Variants in GMPPA observed in about 807,000 individuals in gnomAD.
GMPPA encodes GDP-mannose pyrophosphorylase A.
GMPPA carries 46 observed loss-of-function variants against 58.6 expected under a neutral mutation model. The observed-to-expected ratio is 0.78, with a 90% CI of 0.62 to 1.00. GMPPA has a LOEUF of 1.00. Ranked by LOEUF, GMPPA falls within the 50% of genes least tolerant of loss-of-function variation. GMPPA has a pLI of 0.00. For missense variants in GMPPA, 468 were observed against 556.4 expected, an observed-to-expected ratio of 0.84 and a Z score of 1.60; for synonymous variants, 211 against 214.9, an observed-to-expected ratio of 0.98 and a Z score of 0.16.
Position 219,502,129 on chromosome 2 carries a change from G to T in GMPPA, c.429+92G>T. 7.6e-7 allele frequency: 1 copy of T among 1,316,838 alleles called. No individual in the cohort carries two copies. Among genetic ancestry groups the T allele is most frequent in the South Asian group, 1.2e-5 (1 of 80,132 alleles). 81.6% of individuals were successfully genotyped at this position (1,316,838 alleles called of 1,614,324 possible). A position where few individuals can be genotyped will look rare whatever the true frequency, so the allele number is the denominator to read the frequency against. On this transcript the variant is annotated intron_variant, in intron 5 of 12. Coordinates refer to ENST00000313597, the MANE Select transcript of GMPPA (RefSeq NM_013335.4). The surrounding 1 kb of genome is among the most constrained non-coding windows in gnomAD (Gnocchi z 4.0). Reference sequence around the variant, plus strand: ...TGTTGGGGAGGCAGGGGCGCCCCGGGAGTTGGTGTGGGAGCTGGCGTCAGG... The same window carrying T: ...TGTTGGGGAGGCAGGGGCGCCCCGGTAGTTGGTGTGGGAGCTGGCGTCAGG...
Position 219,499,959 on chromosome 2 carries a change from A to G in GMPPA, c.-17A>G. On this transcript the variant is annotated 5_prime_UTR_variant, in exon 2 of 13. Coordinates refer to ENST00000313597, the MANE Select transcript of GMPPA (RefSeq NM_013335.4). ...ATTTCTCTGTTGGAATTTGAAGTTT[A>G]GGTAGCAGTCACCATTATGCTCAAA... The G allele has an allele frequency of 6.2e-7, 1 of 1,612,366 alleles. No individual in the cohort carries two copies. Among genetic ancestry groups the G allele is most frequent in the Non-Finnish European group, 8.5e-7 (1 of 1,178,500 alleles).
At position 219,501,570 on chromosome 2, in the gene GMPPA, T is replaced by G. The variant is rs1372163336; in HGVS notation, c.233T>G (p.Leu78Arg). 1 of 1,602,050 alleles carries G rather than the reference T, an allele frequency of 6.2e-7. No individual in the cohort carries two copies. The highest frequency in any genetic ancestry group is 1.1e-5 in the South Asian group (1 of 90,806). ...GAAGCCGCCCAGCAGGAGTTTAACC[T>G]TCCAGTCAGGTGTTTGTGCACACAC... ...FLEAAQQEFN[L>R]PVRYLQEFAP... The change falls in exon 4 of 13, where the codon CTT becomes CGT. Residue 78 changes from leucine to arginine, a missense_variant. Leu to Arg is a moderately radical substitution (Grantham distance 102). Coordinates refer to ENST00000313597, the MANE Select transcript of GMPPA (RefSeq NM_013335.4).
chr2:219,501,326 A>G (rs892408412), intron 3 of GMPPA, 150 bp from the exon 4 acceptor site: 1 of 653,822 alleles, frequency 1.5e-6, no homozygotes, highest in Non-Finnish European at 2.8e-6. Flanking sequence ...CTCATTGTCC[A>G]GAGGAGAAAA....
At chr2:219,501,421 C>T (rs753420408) in intron 3 of GMPPA, 55 bp from the exon 4 acceptor site, 15 of 1,111,454 alleles carry the variant, frequency 1.3e-5, no homozygotes, top group Non-Finnish European at 2.1e-5. Flanking sequence ...AAGGATTTCC[C>T]CAACATCCCC....
At position 219,506,820 on chromosome 2, in the gene GMPPA, C is replaced by T; in HGVS notation, c.*22C>T. 1 of 1,107,596 alleles carries T rather than the reference C, an allele frequency of 9.0e-7. No individual in the cohort carries two copies. The highest frequency in any genetic ancestry group is 1.2e-5 in the South Asian group (1 of 80,674). 68.6% of individuals were successfully genotyped at this position (1,107,596 alleles called of 1,614,324 possible). On this transcript the variant is annotated 3_prime_UTR_variant, in exon 13 of 13. Transcript: ENST00000313597. ...CTGAGTAGGGCTGCCAGAAGGCCCC[C>T]AGCTCCTACCCACTCCCCTTGAGGC... is the stretch of plus-strand genomic sequence containing the variant.
intron 9 of GMPPA, 55 bp from the exon 10 acceptor site, chr2:219,505,660 C>T (rs1292959976): frequency 6.3e-7 from 1 of 1,598,402 alleles, no homozygotes; most frequent in Non-Finnish European, 8.6e-7. Flanking sequence ...CCTGCCCCTT[C>T]CTGATCAAAT....
At position 219,502,455 on chromosome 2, in the gene GMPPA, G is replaced by A. The variant is rs369333044; in HGVS notation, c.489+14G>A. 3 of 1,609,368 alleles carry A rather than the reference G, an allele frequency of 1.9e-6. No homozygotes were observed. Among genetic ancestry groups the A allele is most frequent in the Non-Finnish European group, 2.6e-6 (3 of 1,175,832 alleles). On this transcript the variant is annotated intron_variant, in intron 6 of 12. Transcript: ENST00000313597. This position sits in a 1 kb window ranked among gnomAD's most constrained non-coding sequence, Gnocchi z 4.0. ...CAGACACACGAGGTGAGAGCAGAGT[G>A]GGGGCTGGGTGGGTGCCTACTCTGT... is the stretch of plus-strand genomic sequence containing the variant.
rs751612064 is a variant in GMPPA at position 219,501,835 on chromosome 2, G to C, written c.243-16G>C. 1.9e-6 allele frequency: 3 copies of C among 1,612,034 alleles called. No homozygotes were observed. Among genetic ancestry groups the C allele is most frequent in the African/African-American group, 1.3e-5 (1 of 74,868 alleles). On this transcript the variant is annotated splice_polypyrimidine_tract_variant and intron_variant, in intron 4 of 12. Coordinates refer to ENST00000313597, the MANE Select transcript of GMPPA (RefSeq NM_013335.4). ...CCTAAGATCCACTGAGCTGGCTCTCGGGTCCCTGGGGACAGGTACCTGCAG... is the reference window on the plus strand; with the variant it reads ...CCTAAGATCCACTGAGCTGGCTCTCCGGTCCCTGGGGACAGGTACCTGCAG...
chr2:219,502,394 C>T lies in GMPPA; in HGVS notation c.442C>T (p.Gln148Ter). The change falls in exon 6 of 13, where the codon CAA (glutamine) becomes TAA (stop). Residue 148 changes from glutamine (Q) to a stop codon, truncating the protein, a stop_gained. Transcript: ENST00000313597. LOFTEE classifies it high-confidence loss of function. This position sits in a 1 kb window ranked among gnomAD's most constrained non-coding sequence, Gnocchi z 4.0. Reference sequence around the variant, plus strand: ...GTCTGTCTTTCAGGCTAACAGGACGCAATCCCTCAACTACGGCTGCATCGT... The same window carrying T: ...GTCTGTCTTTCAGGCTAACAGGACGTAATCCCTCAACTACGGCTGCATCGT... ...LLLGTTANRTQSLNYGCIVEN... is the reference protein window; with the variant it reads ...LLLGTTANRT The T allele has an allele frequency of 1.2e-6, 2 of 1,613,892 alleles. No homozygotes were observed. Among genetic ancestry groups the T allele is most frequent in the Middle Eastern group, 1.6e-4 (1 of 6,062 alleles).
chr2:219,504,899 T>G, intron 7 of GMPPA: 15 of 1,128,608 alleles, frequency 1.3e-5, no homozygotes, highest in East Asian at 1.0e-4. Context: ...TTCCATCCAA[T>G]GAGGGGGAGG....
chr2:219,506,738 C>G lies in GMPPA; in HGVS notation c.1203C>G (p.Asn401Lys). ...VRIPAEVLILNSIVLPHKELS... is the reference protein window; with the variant it reads ...VRIPAEVLILKSIVLPHKELS... ...TCCCTGCCGAGGTGCTCATCCTGAA[C>G]TCGATTGTTCTGCCACACAAGGAGC... is the stretch of plus-strand genomic sequence containing the variant. The change falls in exon 13 of 13, where the codon AAC (asparagine) becomes AAG (lysine). Residue 401 changes from asparagine (N) to lysine (K), a missense_variant. Physicochemically the swap from Asn to Lys is moderately conservative, Grantham distance 94 (BLOSUM62 0). Transcript: ENST00000313597. 1 of 1,607,522 alleles carries G rather than the reference C, an allele frequency of 6.2e-7. No homozygotes were observed. The highest frequency in any genetic ancestry group is 8.5e-7 in the Non-Finnish European group (1 of 1,174,122).
rs760526837 is a variant in GMPPA, at chr2:219,506,740, C to T, written c.1205C>T (p.Ser402Leu). ...CCTGCCGAGGTGCTCATCCTGAACT[C>T]GATTGTTCTGCCACACAAGGAGCTG... ...RIPAEVLILN[S>L]IVLPHKELSR... Residue 402 changes from serine (S) to leucine (L), a missense_variant, in exon 13 of 13, where the codon TCG (serine) becomes TTG (leucine). By Grantham distance (145) the Ser-to-Leu change is moderately radical. Coordinates refer to ENST00000313597, the MANE Select transcript of GMPPA (RefSeq NM_013335.4). 9 of 1,608,200 alleles carry T rather than the reference C, an allele frequency of 5.6e-6. No homozygotes were observed. The highest frequency in any genetic ancestry group is 3.3e-5 in the South Asian group (3 of 90,958).
intron 3 of GMPPA, chr2:219,500,975 T>C (rs1457713462): frequency 6.4e-6 from 1 of 155,880 alleles, no homozygotes; most frequent in Non-Finnish European, 1.4e-5. Context: ...ATCCCAACGC[T>C]TTTTGAGGCC....
chr2:219,499,744 TG>T, intron 1 of GMPPA: 1 of 596,556 alleles, frequency 1.7e-6, no homozygotes. Flanking sequence ...TGCTGCTATT[TG>T]GGGTTTGGGG....
rs1694601115 is a variant in GMPPA at position 219,506,571 on chromosome 2, C to T, written c.1163-127C>T. 4 of 994,184 alleles carry T rather than the reference C, an allele frequency of 4.0e-6. No individual in the cohort carries two copies. In the South Asian group the frequency reaches 6.0e-5, roughly 15 times the overall value. 61.6% of individuals were successfully genotyped at this position (994,184 alleles called of 1,614,324 possible). ...GCTGTGTGCCAGGCCCTGTGTGAGT[C>T]ACCGGGGGCATGAGACCAGGGGCAC... is the stretch of plus-strand genomic sequence containing the variant. On this transcript the variant is annotated intron_variant, in intron 12 of 12. Transcript: ENST00000313597.
At chr2:219,504,635 C>A in intron 7 of GMPPA, 1 of 212,222 alleles carries the variant, frequency 4.7e-6, no homozygotes, top group South Asian at 8.9e-5. Context: ...CCAGGGTCTT[C>A]CCTCCTGGGG....
rs764553321 is a variant in GMPPA, at chr2:219,506,679, G to A, written c.1163-19G>A. On this transcript the variant is annotated intron_variant, in intron 12 of 12. Coordinates refer to ENST00000313597, the MANE Select transcript of GMPPA (RefSeq NM_013335.4). ...CTCCCCTCCCATGACCTCCCCTGGTGCCCTCATCCATGCTGCAGGCTGCCG... is the reference window on the plus strand; with the variant it reads ...CTCCCCTCCCATGACCTCCCCTGGTACCCTCATCCATGCTGCAGGCTGCCG... 2 of 1,434,792 alleles carry A rather than the reference G, an allele frequency of 1.4e-6. No homozygotes were observed. The highest frequency in any genetic ancestry group is 2.0e-6 in the Non-Finnish European group (2 of 1,018,124). The allele number at this position is 1,434,792 out of a possible 1,614,324, so 88.9% of individuals were successfully genotyped here. A position where few individuals can be genotyped will look rare whatever the true frequency, so the allele number is the denominator to read the frequency against.
At chr2:219,505,931 G>A (rs1292348394) in intron 10 of GMPPA, 49 bp from the exon 11 acceptor site, 3 of 1,338,218 alleles carry the variant, frequency 2.2e-6, no homozygotes, top group Non-Finnish European at 3.1e-6. Flanking sequence ...TTGGGTTTGG[G>A]GATCCTCCAA....
chr2:219,499,267 A>G (rs557354521), intron 1 of GMPPA: 4 of 152,510 alleles, frequency 2.6e-5, no homozygotes, highest in African/African-American at 9.6e-5. Context: ...TAGTTTTAGG[A>G]TTCATGTTTA....
Sources: gnomAD v4.1 joint callset for allele counts on GRCh38, gnomAD v4.1.1 for gene constraint, Gnocchi (gnomAD v3.1) non-coding constraint, MANE v1.5 for transcripts, NCBI Gene and HGNC (gene_info 2026-07-23, HGNC 2026-07-21) for gene names.